ACBD3: variants seen among roughly 807,000 people sequenced by gnomAD.
ACBD3 encodes the protein acyl-CoA binding domain containing 3, also known as Golgi resident protein GCP60.
ACBD3 carries 30 observed loss-of-function variants against 66.9 expected under a neutral mutation model. The ratio of observed to expected loss-of-function variants is 0.45; its 90% CI spans 0.34 to 0.61. The LOEUF (loss-of-function observed/expected upper bound fraction) is 0.61, where lower values mean the gene tolerates loss of function less well. ACBD3 is among the 20% of genes least tolerant of loss of function. The probability of loss-of-function intolerance (pLI) is 0.02; values close to 1 mark genes in which losing one functional copy is unlikely to be tolerated. For synonymous variants in ACBD3, 278 were observed against 259.8 expected (o/e 1.07, Z -0.68); for missense variants, 544 against 664.5 (o/e 0.82, Z 1.99).
At chr1:226,183,881 C>T (rs1656231600) in intron 1 of ACBD3, among the ~76,000 whole-genome samples, 1 of 128,684 alleles carries the variant, frequency 7.8e-6, no homozygotes, top group Non-Finnish European at 1.6e-5. Context: ...TCAAACTCTG[C>T]CTAAAAAAAA....
At chr1:226,175,091 C>CAAAAAAAAAAAAAAAAAA (rs35201518) in intron 1 of ACBD3, among the ~76,000 whole-genome samples, 5 of 75,966 alleles carry the variant, frequency 6.6e-5, no homozygotes, top group African/African-American at 9.9e-5. Context: ...GACTCCATCT[C>CAAAAAAAAAAAAAAAAAA]AAAAAAAAAA....
At chr1:226,186,266 G>C in intron 1 of ACBD3, 124 bp downstream of exon 1, 1 of 1,235,912 alleles carries the variant, frequency 8.1e-7, no homozygotes, top group Non-Finnish European at 1.0e-6. Flanking sequence ...AACCCCGCTT[G>C]AGTCACCACA....
chr1:226,168,282 C>A (rs1659912312), intron 1 of ACBD3, among the ~76,000 whole-genome samples: 1 of 152,092 alleles, frequency 6.6e-6, no homozygotes, highest in Non-Finnish European at 1.5e-5. Flanking sequence ...CCTTGATTAA[C>A]CCCGGGTATC....
chr1:226,152,696 C>T (rs929308969), intron 6 of ACBD3, 77 bp from the exon 7 acceptor site: 18 of 1,412,208 alleles, frequency 1.3e-5, no homozygotes, highest in Middle Eastern at 2.0e-4. Context: ...ATAGCACTAC[C>T]TGATCAGTTG....
chr1:226,168,278 T>C lies in ACBD3; in HGVS notation c.287-2278A>G, dbSNP rs1659911466. ...CTACTCACCTATTTTCAGACCTTGA[T>C]TAACCCCGGGTATCTGAAAGAAGGG... On this transcript the variant is annotated intron_variant, in intron 1 of 7. Transcript: ENST00000366812. 2.0e-5 allele frequency among the ~76,000 whole-genome samples: 3 copies of C among 152,102 alleles called. 1 individual carries two copies. Among genetic ancestry groups the C allele is most frequent in the African/African-American group, 7.2e-5 (3 of 41,442 alleles).
intron 1 of ACBD3, among the ~76,000 whole-genome samples, chr1:226,174,918 C>T (rs1655995452): frequency 6.6e-6 from 1 of 151,502 alleles, no homozygotes; most frequent in Non-Finnish European, 1.5e-5. Context: ...CATGGTGAAA[C>T]CCCATCTCTA....
chr1:226,154,712 G>C lies in ACBD3; in HGVS notation c.1025C>G (p.Thr342Ser). ...TTCCAGTTCTTTTTCGGAGCTGTCAGTGTGTGTTTTGGCCTGTCCATTAAC... is the reference window on the plus strand; with the variant it reads ...TTCCAGTTCTTTTTCGGAGCTGTCACTGTGTGTTTTGGCCTGTCCATTAAC... ...MSVNGQAKTH[T>S]DSSEKELEPE... The change falls in exon 6 of 8, where the codon ACT becomes AGT. Residue 342 changes from threonine to serine, a missense_variant. Coordinates refer to ENST00000366812, the MANE Select transcript of ACBD3 (RefSeq NM_022735.4). 6.2e-7 allele frequency: 1 copy of C among 1,613,800 alleles called. No homozygotes were observed. Among genetic ancestry groups the C allele is most frequent in the Admixed American group, 1.7e-5 (1 of 59,982 alleles).
At chr1:226,164,961 C>T in intron 2 of ACBD3, 32 bp from the exon 3 acceptor site, 1 of 1,505,192 alleles carries the variant, frequency 6.6e-7, no homozygotes, top group Non-Finnish European at 8.9e-7. Context: ...GTTACCTCCC[C>T]TTCTTAGTAG....
chr1:226,159,096 AT>A, intron 5 of ACBD3, 87 bp downstream of exon 5: 1 of 1,480,368 alleles, frequency 6.8e-7, no homozygotes, highest in East Asian at 2.3e-5. Context: ...CTAATGCAAA[AT>A]TCATTTGCGA....
At chr1:226,178,425 AT>A (rs950197368) in intron 1 of ACBD3, among the ~76,000 whole-genome samples, 6 of 151,842 alleles carry the variant, frequency 4.0e-5, no homozygotes, top group Admixed American at 1.3e-4. Flanking sequence ...AAAAAAAAAA[AT>A]TAGCCGGGCA....
intron 5 of ACBD3, among the ~76,000 whole-genome samples, chr1:226,158,522 T>C (rs1039813027): frequency 6.6e-6 from 1 of 152,192 alleles, no homozygotes; most frequent in East Asian, 1.9e-4. Context: ...TGTTACGGAC[T>C]GAAAGAAAGA....
chr1:226,177,387 G>A (rs996952516), intron 1 of ACBD3, among the ~76,000 whole-genome samples: 8 of 148,978 alleles, frequency 5.4e-5, no homozygotes, highest in African/African-American at 1.7e-4. Flanking sequence ...AAGTAGAGAC[G>A]GGTTTCACCG....
At chr1:226,184,991 T>G (rs954914040) in intron 1 of ACBD3, among the ~76,000 whole-genome samples, 2 of 151,446 alleles carry the variant, frequency 1.3e-5, no homozygotes, top group African/African-American at 4.8e-5. Flanking sequence ...TCATTTCTAC[T>G]CTTACTCTCT....
chr1:226,157,084 A>C (rs1377842685), intron 5 of ACBD3, among the ~76,000 whole-genome samples: 3 of 152,222 alleles, frequency 2.0e-5, no homozygotes, highest in Non-Finnish European at 4.4e-5. Flanking sequence ...TACACCCCAA[A>C]ATTAACAAAT....
At chr1:226,183,450 G>A (rs916195116) in intron 1 of ACBD3, among the ~76,000 whole-genome samples, 1 of 152,004 alleles carries the variant, frequency 6.6e-6, no homozygotes, top group Non-Finnish European at 1.5e-5. Context: ...CCAAAGTGCT[G>A]GGATTACAGG....
At chr1:226,186,307 G>A in intron 1 of ACBD3, 83 bp downstream of exon 1, 1 of 1,420,060 alleles carries the variant, frequency 7.0e-7, no homozygotes, top group Non-Finnish European at 9.2e-7. Context: ...GGCAAGTCTG[G>A]TCCAGTCACC....
intron 1 of ACBD3, among the ~76,000 whole-genome samples, chr1:226,174,246 T>C (rs1386066158): frequency 6.6e-6 from 1 of 152,178 alleles, no homozygotes; most frequent in Admixed American, 6.6e-5. Context: ...AACACAAGCA[T>C]CATCCTCGGC....
At chr1:226,174,006 C>T (rs1476960981) in intron 1 of ACBD3, among the ~76,000 whole-genome samples, 3 of 151,802 alleles carry the variant, frequency 2.0e-5, no homozygotes, top group Admixed American at 6.6e-5. Context: ...TCAGGTAATC[C>T]GCCTGCCTCA....
At chr1:226,176,925 G>A (rs1239560185) in intron 1 of ACBD3, among the ~76,000 whole-genome samples, 1 of 152,096 alleles carries the variant, frequency 6.6e-6, no homozygotes, top group African/African-American at 2.4e-5. Context: ...GTTAGAAATT[G>A]TTTATTAACT....
Sources: allele counts gnomAD v4.1 joint callset (sites outside exome capture counted in the v4.1 genomes callset), GRCh38; gene constraint gnomAD v4.1.1; transcripts MANE v1.5; gene names NCBI Gene and HGNC (gene_info 2026-07-23, HGNC 2026-07-21).